The following DNAJC27 variants were observed in gnomAD, a reference collection of about 807,000 sequenced individuals.
DNAJC27 encodes the protein dnaJ homolog subfamily C member 27.
Under a neutral mutation model 31.4 loss-of-function variants are expected in DNAJC27, and 25 were observed. The observed-to-expected ratio is 0.80, with a 90% confidence interval of 0.58 to 1.11. The LOEUF is 1.11. DNAJC27 is among the 50% of genes most tolerant of loss of function. The probability of loss-of-function intolerance (pLI) is 0.00; values close to 1 mark genes in which losing one functional copy is unlikely to be tolerated. For synonymous variants in DNAJC27, 106 were observed against 112.7 expected (o/e 0.94, Z 0.37); for missense variants, 356 against 347.3 (o/e 1.02, Z -0.20).
In DNAJC27 at chr2:24,945,960, CACAGG is replaced by C. The variant is rs1039360430; in HGVS notation, c.*1651_*1655del. 1 of 152,088 alleles carries C rather than the reference CACAGG, an allele frequency of 6.6e-6. No homozygotes were observed. Among genetic ancestry groups the C allele is most frequent in the African/African-American group, 2.4e-5 (1 of 41,402 alleles). The allele number at this position is 152,088 out of a possible 1,614,324, so 9.4% of individuals were successfully genotyped here. ...CGATATGGGATAGCTTTTTAAAATT[CACAGG>C]ACAGGAAGATTTTATATACTTTCAA... On this transcript the variant is annotated 3_prime_UTR_variant, in exon 7 of 7. Transcript: ENST00000264711.
chr2:24,956,494 TGACA>T (rs1665907574), intron 5 of DNAJC27, among the ~76,000 whole-genome samples: 1 of 152,202 alleles, frequency 6.6e-6, no homozygotes, highest in Non-Finnish European at 1.5e-5. Flanking sequence ...GAGTCTATAC[TGACA>T]GTCTCCTATT....
Position 24,971,946 on chromosome 2 carries a change from G to C in DNAJC27, c.-42C>G. 6.7e-7 allele frequency: 1 copy of C among 1,484,968 alleles called. No individual in the cohort carries two copies. 92.0% of individuals were successfully genotyped at this position (1,484,968 alleles called of 1,614,324 possible). On this transcript the variant is annotated 5_prime_UTR_variant, in exon 1 of 7. Coordinates refer to ENST00000264711, the MANE Select transcript of DNAJC27 (RefSeq NM_016544.3). ...GGGCCACCCGCCTCGGTCTCTTCTT[G>C]TGCACCGCTGGCCCGTCCCTCAGGC...
chr2:24,947,563 T>G lies in DNAJC27; in HGVS notation c.*53A>C, dbSNP rs1197196585. 1 of 1,552,922 alleles carries G rather than the reference T, an allele frequency of 6.4e-7. No individual in the cohort carries two copies. Among genetic ancestry groups the G allele is most frequent in the Non-Finnish European group, 8.8e-7 (1 of 1,140,184 alleles). Reference sequence around the variant, plus strand: ...AACTCCACGTTGGTTATTTCACCTCTAGGGAAAGTCTGTTTGCATTTGAGT... The same window carrying G: ...AACTCCACGTTGGTTATTTCACCTCGAGGGAAAGTCTGTTTGCATTTGAGT... On this transcript the variant is annotated 3_prime_UTR_variant, in exon 7 of 7. Coordinates refer to ENST00000264711, the MANE Select transcript of DNAJC27 (RefSeq NM_016544.3).
At chr2:24,972,029 C>T, upstream of DNAJC27, 1 of 693,580 alleles carries the variant, frequency 1.4e-6, no homozygotes, top group Non-Finnish European at 2.2e-6. Flanking sequence ...CGCTGCTCGC[C>T]ATCCCCGCCG....
chr2:24,965,015 G>C lies in DNAJC27; in HGVS notation c.171-1541C>G, dbSNP rs373717008. ...GAGGTCAGGAGTTTGAGACCAGCCT[G>C]GCCAACATGGTGAAACCCTGTCTCT... On this transcript the variant is annotated intron_variant, in intron 2 of 6. Coordinates refer to ENST00000264711, the MANE Select transcript of DNAJC27 (RefSeq NM_016544.3). 2.4e-4 allele frequency among the ~76,000 whole-genome samples: 36 copies of C among 152,128 alleles called. No homozygotes were observed. The East Asian group carries it at 6.1e-3, about 26-fold the overall frequency.
At chr2:24,957,774 C>T in intron 4 of DNAJC27, 36 bp downstream of exon 4, 1 of 1,587,326 alleles carries the variant, frequency 6.3e-7, no homozygotes, top group East Asian at 2.2e-5. Flanking sequence ...CACTCTTTCC[C>T]TAGAAATCTG....
intron 6 of DNAJC27, among the ~76,000 whole-genome samples, chr2:24,949,586 C>A (rs946886310): frequency 1.2e-4 from 18 of 152,122 alleles, no homozygotes; most frequent in African/African-American, 4.3e-4. Context: ...AGGCTTTTTC[C>A]CAAATGTACT....
rs1472522747 is a variant in DNAJC27, at chr2:24,946,088, G to C, written c.*1528C>G. ...GATGTAACAAGAATGACGACGTAAT[G>C]AGTCAAGTGGTGAGACTAGTTCTAT... On this transcript the variant is annotated 3_prime_UTR_variant, in exon 7 of 7. Transcript: ENST00000264711. 6.6e-6 allele frequency: 1 copy of C among 152,216 alleles called. No homozygotes were observed. The highest frequency in any genetic ancestry group is 6.5e-5 in the Admixed American group (1 of 15,280). The allele number at this position is 152,216 out of a possible 1,614,324, so 9.4% of individuals were successfully genotyped here. A position where few individuals can be genotyped will look rare whatever the true frequency, so the allele number is the denominator to read the frequency against.
Position 24,971,820 on chromosome 2 carries a change from TC to T in DNAJC27, c.84del (p.Ser30AlafsTer4). 1 of 1,607,866 alleles carries T rather than the reference TC, an allele frequency of 6.2e-7. No individual in the cohort carries two copies. The highest frequency in any genetic ancestry group is 8.5e-7 in the Non-Finnish European group (1 of 1,177,866). On this transcript the variant is annotated frameshift_variant, in exon 1 of 7. Coordinates refer to ENST00000264711, the MANE Select transcript of DNAJC27 (RefSeq NM_016544.3). LOFTEE classifies it high-confidence loss of function. Reference protein sequence around the residue: ...KVISMGNAEVGKSCIIKRYCE... With the variant: ...KVISMGNAEVXKSCIIKRYCE... ...CCCTCCCGGCTCGCTGTACTCACTTTCCCCACTTCGGCGTTGCCCATGGAGA... is the reference window on the plus strand; with the variant it reads ...CCCTCCCGGCTCGCTGTACTCACTTTCCCACTTCGGCGTTGCCCATGGAGA...
intron 4 of DNAJC27, 132 bp downstream of exon 4, chr2:24,957,678 G>T: frequency 1.2e-6 from 1 of 865,904 alleles, no homozygotes; most frequent in Non-Finnish European, 1.8e-6. Context: ...TTGTCTTAGG[G>T]ACATTATGTT....
At chr2:24,963,798 T>C (rs1022297542) in intron 2 of DNAJC27, among the ~76,000 whole-genome samples, 1 of 152,228 alleles carries the variant, frequency 6.6e-6, no homozygotes, top group Admixed American at 6.5e-5. Context: ...TGATTTGGGA[T>C]AAGTAGGAGC....
At chr2:24,971,559 T>G in intron 1 of DNAJC27, 6 of 323,144 alleles carry the variant, frequency 1.9e-5, no homozygotes, top group South Asian at 6.2e-5. Flanking sequence ...TTCTTACTCT[T>G]TTGGGGGTAC....
chr2:24,964,370 C>T (rs1242361344), intron 2 of DNAJC27, among the ~76,000 whole-genome samples: 2 of 148,742 alleles, frequency 1.3e-5, no homozygotes, highest in Admixed American at 6.8e-5. Flanking sequence ...TGCAGTGAGC[C>T]GAGATCACGC....
chr2:24,957,432 G>C (rs1464396257), intron 4 of DNAJC27, among the ~76,000 whole-genome samples: 1 of 152,160 alleles, frequency 6.6e-6, no homozygotes, highest in Non-Finnish European at 1.5e-5. Flanking sequence ...TCAGTTCTGT[G>C]AAAGTTGGCT....
chr2:24,961,226 G>A (rs781094722), intron 3 of DNAJC27, among the ~76,000 whole-genome samples: 1 of 152,172 alleles, frequency 6.6e-6, no homozygotes, highest in Non-Finnish European at 1.5e-5. Flanking sequence ...AGGTCTGGAT[G>A]ACAGCAGATC....
rs1211421931 is a variant in DNAJC27 at position 24,957,831 on chromosome 2, T to C, written c.384A>G (p.Ile128Met). The C allele has an allele frequency of 1.2e-6, 2 of 1,614,136 alleles. No individual in the cohort carries two copies. Among genetic ancestry groups the C allele is most frequent in the Admixed American group, 1.7e-5 (1 of 60,028 alleles). ...LGPHGNMENI[I>M]FVVCANKIDC... ...TTACCTTGTTGGCACAAACTACAAA[T>C]ATAATATTTTCCATGTTTCCATGAG... The change falls in exon 4 of 7, where the codon ATA becomes ATG. Residue 128 changes from isoleucine to methionine, a missense_variant. Physicochemically the swap from Ile to Met is conservative, Grantham distance 10. Transcript: ENST00000264711.
chr2:24,947,996 T>C (rs923997200), intron 6 of DNAJC27, among the ~76,000 whole-genome samples: 2 of 152,100 alleles, frequency 1.3e-5, no homozygotes, highest in African/African-American at 4.8e-5. Context: ...AAACACTTAG[T>C]AAAATAATAA....
At position 24,946,724 on chromosome 2, in the gene DNAJC27, G is replaced by A. The variant is rs1175068709; in HGVS notation, c.*892C>T. The stretch of plus-strand genomic sequence containing the variant: ...AAGATCTTACTATGTTGCCCAGGTG[G>A]GACTTGAGCTCCTGGGCTTAAGCAA... On this transcript the variant is annotated 3_prime_UTR_variant, in exon 7 of 7. Coordinates refer to ENST00000264711, the MANE Select transcript of DNAJC27 (RefSeq NM_016544.3). 6.6e-6 allele frequency: 1 copy of A among 152,058 alleles called. No homozygotes were observed. The highest frequency in any genetic ancestry group is 1.5e-5 in the Non-Finnish European group (1 of 67,982). 9.4% of individuals were successfully genotyped at this position (152,058 alleles called of 1,614,324 possible). A position where few individuals can be genotyped will look rare whatever the true frequency, so the allele number is the denominator to read the frequency against.
At chr2:24,963,074 G>C (rs1666088389) in intron 3 of DNAJC27, 1 of 231,150 alleles carries the variant, frequency 4.3e-6, no homozygotes, top group Admixed American at 5.3e-5. Flanking sequence ...TCGCATCACT[G>C]AGTTCTTAAG....
Sources: gnomAD v4.1 joint callset for allele counts (sites outside exome capture counted in the v4.1 genomes callset) on GRCh38, gnomAD v4.1.1 for gene constraint, MANE v1.5 for transcripts, NCBI Gene and HGNC (gene_info 2026-07-23, HGNC 2026-07-21) for gene names.